The following OXT variants were observed in gnomAD, a reference collection of about 807,000 sequenced individuals.
OXT encodes oxytocin/neurophysin I prepropeptide, also known as oxytocin-neurophysin 1 proprotein.
In OXT, 9 loss-of-function variants were observed where a neutral mutation model predicts 11.2. That is an observed-to-expected ratio of 0.80 (90% CI 0.49 to 1.40). The LOEUF (loss-of-function observed/expected upper bound fraction) is 1.40. Ranked by LOEUF, OXT falls within the 40% of genes most tolerant of loss-of-function variation. The pLI is 0.00. For synonymous variants in OXT, 76 were observed against 80.9 expected (o/e 0.94, Z 0.33); for missense variants, 175 against 178.7 (o/e 0.98, Z 0.12).
In OXT at chr20:3,071,989, C is replaced by T. The variant is rs1325969868; in HGVS notation, c.121-88C>T. ...CGAACCCCGGACCCCAGCATCCTTG[C>T]CCGGCGCACCCCGGCCGGCCTCGCA... is the stretch of plus-strand genomic sequence containing the variant. On this transcript the variant is annotated intron_variant, in intron 1 of 2. Coordinates refer to ENST00000217386, the MANE Select transcript of OXT (RefSeq NM_000915.4). The surrounding 1 kb of genome is among the most constrained non-coding windows in gnomAD (Gnocchi z 4.8). 20 of 1,376,586 alleles carry T rather than the reference C, an allele frequency of 1.5e-5. No homozygotes were observed. Among genetic ancestry groups the T allele is most frequent in the Non-Finnish European group, 1.8e-5 (19 of 1,065,356 alleles). The allele number at this position is 1,376,586 out of a possible 1,614,324, so 85.3% of individuals were successfully genotyped here.
rs567128901 is a variant in OXT, at chr20:3,072,461, C to G, written c.*43C>G. On this transcript the variant is annotated 3_prime_UTR_variant, in exon 3 of 3. Coordinates refer to ENST00000217386, the MANE Select transcript of OXT (RefSeq NM_000915.4). ...CACCCTCGAAGCGCGCCACTCGCTT[C>G]CCCCATAGCCACCCCAGAAATGGTG... 2.5e-6 allele frequency: 4 copies of G among 1,589,608 alleles called. No individual in the cohort carries two copies. The highest frequency in any genetic ancestry group is 4.5e-5 in the East Asian group (2 of 44,756).
chr20:3,071,689 G>T lies in OXT; in HGVS notation c.34G>T (p.Gly12Cys). Residue 12 changes from glycine (G) to cysteine (C), a missense_variant, in exon 1 of 3, where the codon GGC (glycine) becomes TGC (cysteine). Gly to Cys is a radical substitution (Grantham distance 159). Coordinates refer to ENST00000217386, the MANE Select transcript of OXT (RefSeq NM_000915.4). The surrounding 1 kb of genome is among the most constrained non-coding windows in gnomAD (Gnocchi z 4.8). ...AGPSLACCLL[G>C]LLALTSACYI... ...CCCCAGCCTCGCTTGCTGTCTGCTC[G>T]GCCTCCTGGCGCTGACCTCCGCCTG... 1.3e-6 allele frequency: 2 copies of T among 1,596,022 alleles called. No individual in the cohort carries two copies. Among genetic ancestry groups the T allele is most frequent in the Non-Finnish European group, 1.7e-6 (2 of 1,175,188 alleles).
rs191702555 is a variant in OXT at position 3,072,502 on chromosome 20, A to C, written c.*84A>C. On this transcript the variant is annotated 3_prime_UTR_variant, in exon 3 of 3. Coordinates refer to ENST00000217386, the MANE Select transcript of OXT (RefSeq NM_000915.4). The stretch of plus-strand genomic sequence containing the variant: ...AGAAATGGTGAAAATAAAATAAAGC[A>C]GGTTTTTCTCCTCTACCTTGACTCG... 8 of 1,462,784 alleles carry C rather than the reference A, an allele frequency of 5.5e-6. No homozygotes were observed. The African/African-American group carries it at 1.1e-4, about 20-fold the overall frequency. The allele number at this position is 1,462,784 out of a possible 1,614,324, so 90.6% of individuals were successfully genotyped here.
Position 3,071,905 on chromosome 20 carries a change from G to A in OXT, c.120+130G>A. ...GGATTTTGACGCCCCGCCCTTGACC[G>A]CGGTCGAGGCCCCCACGGCGCCCCA... On this transcript the variant is annotated intron_variant, in intron 1 of 2. Transcript: ENST00000217386. The surrounding 1 kb of genome is among the most constrained non-coding windows in gnomAD (Gnocchi z 4.8). 7.3e-7 allele frequency: 1 copy of A among 1,369,768 alleles called. No homozygotes were observed. Among genetic ancestry groups the A allele is most frequent in the Non-Finnish European group, 9.5e-7 (1 of 1,049,894 alleles). 84.9% of individuals were successfully genotyped at this position (1,369,768 alleles called of 1,614,324 possible).
In OXT at chr20:3,071,802, C is replaced by T. The variant is rs763076895; in HGVS notation, c.120+27C>T. 75 of 1,545,918 alleles carry T rather than the reference C, an allele frequency of 4.9e-5. No individual in the cohort carries two copies. Among genetic ancestry groups the T allele is most frequent in the Non-Finnish European group, 6.3e-5 (73 of 1,151,946 alleles). The stretch of plus-strand genomic sequence containing the variant: ...TGAGTCCCCAGCCCTGGTCCCGCGG[C>T]GCTCCGGGGAGGGAGGGACCCGCAG... On this transcript the variant is annotated intron_variant, in intron 1 of 2. Coordinates refer to ENST00000217386, the MANE Select transcript of OXT (RefSeq NM_000915.4). This position sits in a 1 kb window ranked among gnomAD's most constrained non-coding sequence, Gnocchi z 4.8.
chr20:3,071,914 GC>G lies in OXT; in HGVS notation c.120+144del. ...CGCCCCGCCCTTGACCGCGGTCGAG[GC>G]CCCCACGGCGCCCCAGCGCGTCTCA... On this transcript the variant is annotated intron_variant, in intron 1 of 2. Transcript: ENST00000217386. This position sits in a 1 kb window ranked among gnomAD's most constrained non-coding sequence, Gnocchi z 4.8. 7.4e-7 allele frequency: 1 copy of G among 1,352,792 alleles called. No individual in the cohort carries two copies. The highest frequency in any genetic ancestry group is 9.6e-7 in the Non-Finnish European group (1 of 1,036,888). 83.8% of individuals were successfully genotyped at this position (1,352,792 alleles called of 1,614,324 possible).
chr20:3,072,426 T>C lies in OXT; in HGVS notation c.*8T>C, dbSNP rs778665354. 7.4e-6 allele frequency: 12 copies of C among 1,612,800 alleles called. No homozygotes were observed. The South Asian group carries it at 1.2e-4, about 16-fold the overall frequency. ...ACCTTCTCCCAGCGCTGAAACTTGA[T>C]GGCTCCGAACACCCTCGAAGCGCGC... On this transcript the variant is annotated 3_prime_UTR_variant, in exon 3 of 3. Transcript: ENST00000217386.
rs1413482392 is a variant in OXT, at chr20:3,072,226, G to C, written c.270G>C (p.Lys90Asn). Reference sequence around the variant, plus strand: ...CGTCGCCCTGCCAGTCCGGCCAGAAGGCGTGCGGGAGCGGGGGCCGCTGCG... The same window carrying C: ...CGTCGCCCTGCCAGTCCGGCCAGAACGCGTGCGGGAGCGGGGGCCGCTGCG... ...YLPSPCQSGQ[K>N]ACGSGGRCAV... is the part of the protein sequence containing the mutation. The change falls in exon 2 of 3, where the codon AAG becomes AAC. Residue 90 changes from lysine to asparagine, a missense_variant. Physicochemically the swap from Lys to Asn is moderately conservative, Grantham distance 94 (BLOSUM62 0). Transcript: ENST00000217386. 1 of 1,596,340 alleles carries C rather than the reference G, an allele frequency of 6.3e-7. No homozygotes were observed.
chr20:3,072,241 G>C lies in OXT; in HGVS notation c.285G>C (p.Gly95=). The change falls in exon 2 of 3, where the codon GGG becomes GGC. Residue 95 remains glycine (G), a synonymous_variant. Transcript: ENST00000217386. ...CCGGCCAGAAGGCGTGCGGGAGCGGGGGCCGCTGCGCGGTCTTGGGCCTCT... is the reference window on the plus strand; with the variant it reads ...CCGGCCAGAAGGCGTGCGGGAGCGGCGGCCGCTGCGCGGTCTTGGGCCTCT... ...CQSGQKACGS[G]GRCAVLGLCC... is the part of the protein sequence containing the mutation. 1 of 1,594,736 alleles carries C rather than the reference G, an allele frequency of 6.3e-7. No individual in the cohort carries two copies. Among genetic ancestry groups the C allele is most frequent in the South Asian group, 1.1e-5 (1 of 90,394 alleles).
rs577219198 is a variant in OXT, at chr20:3,071,854, T to G, written c.120+79T>G. 3 of 1,485,284 alleles carry G rather than the reference T, an allele frequency of 2.0e-6. No individual in the cohort carries two copies. The South Asian group carries it at 3.9e-5, about 19-fold the overall frequency. The allele number at this position is 1,485,284 out of a possible 1,614,324, so 92.0% of individuals were successfully genotyped here. Reference sequence around the variant, plus strand: ...CACAGGGGCGCGCCCCGCTCCGGCCTCGCCTGAGAACTCCAGGAGCTGAGC... The same window carrying G: ...CACAGGGGCGCGCCCCGCTCCGGCCGCGCCTGAGAACTCCAGGAGCTGAGC... On this transcript the variant is annotated intron_variant, in intron 1 of 2. Coordinates refer to ENST00000217386, the MANE Select transcript of OXT (RefSeq NM_000915.4). The surrounding 1 kb of genome is among the most constrained non-coding windows in gnomAD (Gnocchi z 4.8).
In OXT at chr20:3,071,667, C is replaced by A. The variant is rs917613837; in HGVS notation, c.12C>A (p.Pro4=). The A allele has an allele frequency of 4.4e-6, 7 of 1,601,838 alleles. No homozygotes were observed. Among genetic ancestry groups the A allele is most frequent in the Admixed American group, 3.4e-5 (2 of 59,660 alleles). The change falls in exon 1 of 3, where the codon CCC becomes CCA. Residue 4 remains proline, a synonymous_variant. Coordinates refer to ENST00000217386, the MANE Select transcript of OXT (RefSeq NM_000915.4). The surrounding 1 kb of genome is among the most constrained non-coding windows in gnomAD (Gnocchi z 4.8). MAG[P]SLACCLLGLL... ...AGCGCACCCGCACCATGGCCGGCCC[C>A]AGCCTCGCTTGCTGTCTGCTCGGCC...
Position 3,072,286 on chromosome 20 carries a change from G to A in OXT, c.322+8G>A, listed in dbSNP as rs1285954970. Reference sequence around the variant, plus strand: ...GCCTCTGCTGCAGCCCGGGTGAGCGGGGCAAGGCGCTCCGGGGCCAGGGGG... The same window carrying A: ...GCCTCTGCTGCAGCCCGGGTGAGCGAGGCAAGGCGCTCCGGGGCCAGGGGG... On this transcript the variant is annotated splice_region_variant and intron_variant, in intron 2 of 2. Transcript: ENST00000217386. 4 of 1,595,998 alleles carry A rather than the reference G, an allele frequency of 2.5e-6. No homozygotes were observed. Among genetic ancestry groups the A allele is most frequent in the African/African-American group, 1.3e-5 (1 of 74,342 alleles).
chr20:3,071,999 C>T lies in OXT; in HGVS notation c.121-78C>T. The T allele has an allele frequency of 1.4e-6, 2 of 1,395,392 alleles. No individual in the cohort carries two copies. Among genetic ancestry groups the T allele is most frequent in the Non-Finnish European group, 1.9e-6 (2 of 1,080,758 alleles). The allele number at this position is 1,395,392 out of a possible 1,614,324, so 86.4% of individuals were successfully genotyped here. ...ACCCCAGCATCCTTGCCCGGCGCAC[C>T]CCGGCCGGCCTCGCAGGGTCCTCCG... On this transcript the variant is annotated intron_variant, in intron 1 of 2. Transcript: ENST00000217386. The surrounding 1 kb of genome is among the most constrained non-coding windows in gnomAD (Gnocchi z 4.8).
At position 3,072,464 on chromosome 20, in the gene OXT, C is replaced by G; in HGVS notation, c.*46C>G. Reference sequence around the variant, plus strand: ...CCTCGAAGCGCGCCACTCGCTTCCCCCATAGCCACCCCAGAAATGGTGAAA... The same window carrying G: ...CCTCGAAGCGCGCCACTCGCTTCCCGCATAGCCACCCCAGAAATGGTGAAA... On this transcript the variant is annotated 3_prime_UTR_variant, in exon 3 of 3. Coordinates refer to ENST00000217386, the MANE Select transcript of OXT (RefSeq NM_000915.4). 1.3e-6 allele frequency: 2 copies of G among 1,573,784 alleles called. No individual in the cohort carries two copies. The highest frequency in any genetic ancestry group is 1.1e-5 in the South Asian group (1 of 90,230).
chr20:3,071,842 C>A lies in OXT; in HGVS notation c.120+67C>A. 1 of 1,503,670 alleles carries A rather than the reference C, an allele frequency of 6.7e-7. No homozygotes were observed. Among genetic ancestry groups the A allele is most frequent in the Non-Finnish European group, 8.8e-7 (1 of 1,132,398 alleles). 93.1% of individuals were successfully genotyped at this position (1,503,670 alleles called of 1,614,324 possible). A position where few individuals can be genotyped will look rare whatever the true frequency, so the allele number is the denominator to read the frequency against. On this transcript the variant is annotated intron_variant, in intron 1 of 2. Coordinates refer to ENST00000217386, the MANE Select transcript of OXT (RefSeq NM_000915.4). This position sits in a 1 kb window ranked among gnomAD's most constrained non-coding sequence, Gnocchi z 4.8. ...GGGACCCGCAGCCACAGGGGCGCGC[C>A]CCGCTCCGGCCTCGCCTGAGAACTC...
In OXT at chr20:3,072,465, C is replaced by T. The variant is rs774935191; in HGVS notation, c.*47C>T. The T allele has an allele frequency of 6.3e-7, 1 of 1,576,132 alleles. No individual in the cohort carries two copies. The highest frequency in any genetic ancestry group is 8.7e-7 in the Non-Finnish European group (1 of 1,147,074). On this transcript the variant is annotated 3_prime_UTR_variant, in exon 3 of 3. Coordinates refer to ENST00000217386, the MANE Select transcript of OXT (RefSeq NM_000915.4). ...CTCGAAGCGCGCCACTCGCTTCCCC[C>T]ATAGCCACCCCAGAAATGGTGAAAA...
Position 3,071,918 on chromosome 20 carries a change from C to T in OXT, c.120+143C>T. 2.2e-6 allele frequency: 3 copies of T among 1,349,866 alleles called. No homozygotes were observed. The highest frequency in any genetic ancestry group is 2.9e-6 in the Non-Finnish European group (3 of 1,033,864). The allele number at this position is 1,349,866 out of a possible 1,614,324, so 83.6% of individuals were successfully genotyped here. A position where few individuals can be genotyped will look rare whatever the true frequency, so the allele number is the denominator to read the frequency against. On this transcript the variant is annotated intron_variant, in intron 1 of 2. Transcript: ENST00000217386. The surrounding 1 kb of genome is among the most constrained non-coding windows in gnomAD (Gnocchi z 4.8). ...CCGCCCTTGACCGCGGTCGAGGCCC[C>T]CACGGCGCCCCAGCGCGTCTCAGCC...
In OXT at chr20:3,072,483, G is replaced by A. The variant is rs1356260665; in HGVS notation, c.*65G>A. On this transcript the variant is annotated 3_prime_UTR_variant, in exon 3 of 3. Coordinates refer to ENST00000217386, the MANE Select transcript of OXT (RefSeq NM_000915.4). ...CTTCCCCCATAGCCACCCCAGAAAT[G>A]GTGAAAATAAAATAAAGCAGGTTTT... 1.2e-5 allele frequency: 18 copies of A among 1,549,790 alleles called. No homozygotes were observed. Among genetic ancestry groups the A allele is most frequent in the Non-Finnish European group, 1.4e-5 (16 of 1,124,670 alleles).
rs1021181336 is a variant in OXT at position 3,072,456 on chromosome 20, C to G, written c.*38C>G. The G allele has an allele frequency of 2.5e-6, 4 of 1,604,004 alleles. No homozygotes were observed. The highest frequency in any genetic ancestry group is 2.7e-5 in the African/African-American group (2 of 74,776). On this transcript the variant is annotated 3_prime_UTR_variant, in exon 3 of 3. Transcript: ENST00000217386. ...CCGAACACCCTCGAAGCGCGCCACTCGCTTCCCCCATAGCCACCCCAGAAA... is the reference window on the plus strand; with the variant it reads ...CCGAACACCCTCGAAGCGCGCCACTGGCTTCCCCCATAGCCACCCCAGAAA...
Sources: gnomAD v4.1 joint callset for allele counts on GRCh38, gnomAD v4.1.1 for gene constraint, Gnocchi (gnomAD v3.1) non-coding constraint, MANE v1.5 for transcripts, NCBI Gene and HGNC (gene_info 2026-07-23, HGNC 2026-07-21) for gene names.